MTFR1: variants seen among roughly 807,000 people sequenced by gnomAD.
MTFR1 encodes mitochondrial fission regulator 1, also known as chondrocyte protein with a poly-proline region.
In MTFR1, 28 loss-of-function variants were observed where a neutral mutation model predicts 38.8. That is an observed-to-expected ratio of 0.72 (90% CI 0.53 to 0.99). MTFR1 has a LOEUF of 0.99. Among genes scored for constraint, MTFR1 ranks in the 50% least tolerant of loss-of-function variants. The probability of loss-of-function intolerance (pLI) is 0.00; values close to 1 mark genes in which losing one functional copy is unlikely to be tolerated. For missense variants in MTFR1, 358 were observed against 395.5 expected, an observed-to-expected ratio of 0.91 and a Z score of 0.81; for synonymous variants, 145 against 137.0, an observed-to-expected ratio of 1.06 and a Z score of -0.41.
At chr8:65,676,742 A>G (rs1804718451) in intron 2 of MTFR1, among the ~76,000 whole-genome samples, 1 of 152,178 alleles carries the variant, frequency 6.6e-6, no homozygotes, top group Non-Finnish European at 1.5e-5. Flanking sequence ...TGTATGTAAA[A>G]CTAGTCTATA....
In MTFR1 at chr8:65,670,198, G is replaced by C. The variant is rs138882348; in HGVS notation, c.66+180G>C. On this transcript the variant is annotated intron_variant, in intron 2 of 7. Coordinates refer to ENST00000262146, the MANE Select transcript of MTFR1 (RefSeq NM_014637.4). ...ATCTTTTCTCAGCATCTGAAGTAAGGAAGTAACTTTCTGGGTTACATTGAA... is the reference window on the plus strand; with the variant it reads ...ATCTTTTCTCAGCATCTGAAGTAAGCAAGTAACTTTCTGGGTTACATTGAA... Among the ~76,000 whole-genome samples the C allele has an allele frequency of 2.6e-5, 4 of 152,244 alleles. No homozygotes were observed. In the East Asian group the frequency reaches 7.7e-4, roughly 29 times the overall value.
At chr8:65,768,634 T>C (rs531289440) in intron 3 of MTFR1, among the ~76,000 whole-genome samples, 1 of 152,288 alleles carries the variant, frequency 6.6e-6, no homozygotes, top group East Asian at 1.9e-4. Context: ...AAATTCTTAC[T>C]GATACTTGTA....
intron 2 of MTFR1, among the ~76,000 whole-genome samples, chr8:65,671,594 G>T (rs917221455): frequency 6.6e-6 from 1 of 151,004 alleles, no homozygotes. Context: ...TCATAGTGTG[G>T]ATTGACATTT....
chr8:65,700,160 G>A (rs1252102985), intron 4 of MTFR1, among the ~76,000 whole-genome samples: 1 of 151,772 alleles, frequency 6.6e-6, no homozygotes, highest in Non-Finnish European at 1.5e-5. Flanking sequence ...AGACGAGCCT[G>A]GGCAACATGG....
intron 1 of MTFR1, among the ~76,000 whole-genome samples, chr8:65,664,343 G>A (rs960462809): frequency 6.6e-6 from 1 of 152,144 alleles, no homozygotes; most frequent in Admixed American, 6.6e-5. Context: ...AAAAAGAACT[G>A]TAATTTGTAA....
chr8:65,683,711 G>C (rs1804978360), intron 3 of MTFR1, among the ~76,000 whole-genome samples: 1 of 151,628 alleles, frequency 6.6e-6, no homozygotes, highest in African/African-American at 2.4e-5. Context: ...GGTGAAATCT[G>C]TTTCTTTTTC....
intron 1 of MTFR1, among the ~76,000 whole-genome samples, chr8:65,663,169 C>T (rs1401332237): frequency 6.6e-6 from 1 of 152,178 alleles, no homozygotes; most frequent in African/African-American, 2.4e-5. Context: ...GGAGACTTTT[C>T]ATTTTGTTCT....
chr8:65,645,701 C>G (rs997084387), intron 1 of MTFR1, among the ~76,000 whole-genome samples: 4 of 133,824 alleles, frequency 3.0e-5, no homozygotes, highest in Admixed American at 7.5e-5. Context: ...TTCCCCCCCC[C>G]CCCCCTTTGT....
At chr8:65,654,021 C>T (rs1315235781) in intron 1 of MTFR1, among the ~76,000 whole-genome samples, 2 of 150,358 alleles carry the variant, frequency 1.3e-5, no homozygotes. Flanking sequence ...TCTGATGGTG[C>T]CATTGCACTC....
chr8:65,751,804 T>TA (rs1416630361), intron 3 of MTFR1, among the ~76,000 whole-genome samples: 8 of 152,336 alleles, frequency 5.3e-5, no homozygotes, highest in African/African-American at 1.9e-4. Context: ...TCCTGAGTTT[T>TA]AAAAAATTAA....
At chr8:65,689,843 T>G (rs1028094679) in intron 3 of MTFR1, among the ~76,000 whole-genome samples, 1 of 152,244 alleles carries the variant, frequency 6.6e-6, no homozygotes, top group Admixed American at 6.5e-5. Flanking sequence ...TTATTTTGTC[T>G]TTTGAATGAG....
At chr8:65,693,095 A>G (rs922591919) in intron 3 of MTFR1, among the ~76,000 whole-genome samples, 1 of 152,012 alleles carries the variant, frequency 6.6e-6, no homozygotes, top group Non-Finnish European at 1.5e-5. Context: ...ATTTTCTAGG[A>G]TAGTTTTTTA....
chr8:65,708,289 AAC>A (rs1563459675), intron 7 of MTFR1: 2 of 519,634 alleles, frequency 3.8e-6, no homozygotes, highest in African/African-American at 3.9e-5. Flanking sequence ...AGCCAAAGTT[AAC>A]CCCTGAGCTC....
intron 4 of MTFR1, among the ~76,000 whole-genome samples, chr8:65,696,738 G>A (rs968307921): frequency 2.6e-5 from 4 of 151,760 alleles, no homozygotes; most frequent in Admixed American, 6.6e-5. Flanking sequence ...TTGGCTTACT[G>A]CAACCTCCGC....
chr8:65,724,722 T>C (rs1317448285), intron 3 of MTFR1: 2 of 1,437,292 alleles, frequency 1.4e-6, no homozygotes, highest in Admixed American at 2.0e-5. Flanking sequence ...CATTTTTTAG[T>C]TTGACAGTCA....
chr8:65,766,316 T>C (rs1016238812), intron 3 of MTFR1, among the ~76,000 whole-genome samples: 2 of 152,238 alleles, frequency 1.3e-5, no homozygotes, highest in Admixed American at 6.5e-5. Flanking sequence ...ACTCAAAATA[T>C]CTTATTTCAA....
At chr8:65,674,713 G>GCAC (rs1804663067) in intron 2 of MTFR1, among the ~76,000 whole-genome samples, 8 of 152,090 alleles carry the variant, frequency 5.3e-5, no homozygotes, top group African/African-American at 1.9e-4. Flanking sequence ...TTGGCTCATT[G>GCAC]TCTTTGACTC....
At chr8:65,658,324 C>G (rs1809322014) in intron 1 of MTFR1, among the ~76,000 whole-genome samples, 1 of 152,086 alleles carries the variant, frequency 6.6e-6, no homozygotes. Flanking sequence ...TTATAACTAT[C>G]TCAAAAACAG....
intron 3 of MTFR1, among the ~76,000 whole-genome samples, chr8:65,757,794 T>G (rs1313395542): frequency 6.6e-6 from 1 of 152,098 alleles, no homozygotes; most frequent in Non-Finnish European, 1.5e-5. Context: ...AACTTTTGCA[T>G]TTTTAGTAGA....
Sources: allele counts gnomAD v4.1 joint callset (sites outside exome capture counted in the v4.1 genomes callset), GRCh38; gene constraint gnomAD v4.1.1; transcripts MANE v1.5; gene names NCBI Gene and HGNC (gene_info 2026-07-23, HGNC 2026-07-21).